Variants in PI16 observed in about 807,000 individuals in gnomAD.
The protein encoded by PI16 is PSP94-binding protein.
Under a neutral mutation model 38.0 loss-of-function variants are expected in PI16, and 35 were observed. The observed-to-expected ratio is 0.92, with a 90% CI of 0.70 to 1.22. The LOEUF is 1.22. Ranked by LOEUF, PI16 falls within the 50% of genes most tolerant of loss-of-function variation. The probability of loss-of-function intolerance (pLI) is 0.00; values close to 1 mark genes in which losing one functional copy is unlikely to be tolerated. For missense variants in PI16, 572 were observed against 593.8 expected (o/e 0.96, Z 0.38); for synonymous variants, 275 against 252.9 (o/e 1.09, Z -0.83).
chr6:36,957,686 T>C (rs1162193375), intron 1 of PI16, among the ~76,000 whole-genome samples: 1 of 152,182 alleles, frequency 6.6e-6, no homozygotes, highest in Non-Finnish European at 1.5e-5. Flanking sequence ...ATGATGCTAA[T>C]GGTGGGGCTC....
At position 36,959,406 on chromosome 6, in the gene PI16, C is replaced by A. The variant is rs771230123; in HGVS notation, c.393+40C>A. ...GGCGAGGCGGGGCGGAGCCTCGCGG[C>A]GTGGGGGTGGGGCCACGTGCTCCCT... On this transcript the variant is annotated intron_variant, in intron 2 of 6. Transcript: ENST00000373674. 6.0e-5 allele frequency: 91 copies of A among 1,515,884 alleles called. No homozygotes were observed. In the Admixed American group the frequency reaches 1.8e-3, roughly 31 times the overall value. 93.9% of individuals were successfully genotyped at this position (1,515,884 alleles called of 1,614,324 possible). A position where few individuals can be genotyped will look rare whatever the true frequency, so the allele number is the denominator to read the frequency against.
Position 36,959,262 on chromosome 6 carries a change from A to C in PI16, c.289A>C (p.Met97Leu). The C allele has an allele frequency of 3.1e-6, 5 of 1,604,946 alleles. No homozygotes were observed. Among genetic ancestry groups the C allele is most frequent in the Non-Finnish European group, 4.3e-6 (5 of 1,176,310 alleles). ...ENLFAITDEGMDVPLAMEEWH... is the reference protein window; with the variant it reads ...ENLFAITDEGLDVPLAMEEWH... ...TCTGTTCGCCATCACAGACGAGGGC[A>C]TGGACGTGCCGCTGGCCATGGAGGA... The change falls in exon 2 of 7, where the codon ATG becomes CTG. Residue 97 changes from methionine (M) to leucine (L), a missense_variant. By Grantham distance (15) the Met-to-Leu change is conservative. Transcript: ENST00000373674.
chr6:36,963,099 G>A lies in PI16; in HGVS notation c.757G>A (p.Ala253Thr). The change falls in exon 5 of 7, where the codon GCA becomes ACA. Residue 253 changes from alanine (A) to threonine (T), a missense_variant. Transcript: ENST00000373674. ...FLVTEVSGSLATKALPAVETQ... is the reference protein window; with the variant it reads ...FLVTEVSGSLTTKALPAVETQ... The stretch of plus-strand genomic sequence containing the variant: ...GGTAACAGAGGTCTCAGGCTCCCTG[G>A]CAACCAAGGCTCTGCCTGCTGTGGA... 1 of 1,614,192 alleles carries A rather than the reference G, an allele frequency of 6.2e-7. No individual in the cohort carries two copies. Among genetic ancestry groups the A allele is most frequent in the Admixed American group, 1.7e-5 (1 of 60,028 alleles).
rs138521374 is a variant in PI16 at position 36,962,857 on chromosome 6, G to A, written c.593-78G>A. On this transcript the variant is annotated intron_variant, in intron 4 of 6. Coordinates refer to ENST00000373674, the MANE Select transcript of PI16 (RefSeq NM_153370.3). The surrounding 1 kb of genome is among the most constrained non-coding windows in gnomAD (Gnocchi z 4.1). ...GTGTCCTGGTAGGACATTTGGTCGC[G>A]TCACTTGGTTTGCAGTGCCATGAGA... 13 of 1,264,614 alleles carry A rather than the reference G, an allele frequency of 1.0e-5. No individual in the cohort carries two copies. Among genetic ancestry groups the A allele is most frequent in the African/African-American group, 9.0e-5 (6 of 66,826 alleles). 78.3% of individuals were successfully genotyped at this position (1,264,614 alleles called of 1,614,324 possible).
chr6:36,950,647 G>C (rs1463200343), upstream of PI16, among the ~76,000 whole-genome samples: 2 of 151,920 alleles, frequency 1.3e-5, no homozygotes, highest in Admixed American at 6.6e-5. The surrounding 1 kb of genome is among the most constrained non-coding windows in gnomAD (Gnocchi z 4.2). Flanking sequence ...GGGTTCAAGC[G>C]ATTCTCCTGC....
chr6:36,962,885 TG>T lies in PI16; in HGVS notation c.593-49del, dbSNP rs1439966210. On this transcript the variant is annotated intron_variant, in intron 4 of 6. Transcript: ENST00000373674. The surrounding 1 kb of genome is among the most constrained non-coding windows in gnomAD (Gnocchi z 4.1). ...ACTTGGTTTGCAGTGCCATGAGAGA[TG>T]TGGGGTCCTGCTTGCAGCACTCATG... 1 of 1,495,456 alleles carries T rather than the reference TG, an allele frequency of 6.7e-7. No homozygotes were observed. 92.6% of individuals were successfully genotyped at this position (1,495,456 alleles called of 1,614,324 possible).
intron 2 of PI16, among the ~76,000 whole-genome samples, chr6:36,960,195 C>T (rs1763321040): frequency 6.6e-6 from 1 of 152,100 alleles, no homozygotes; most frequent in African/African-American, 2.4e-5. Context: ...TTATGCATAA[C>T]GATGAAGAAC....
rs1273118141 is a variant in PI16 at position 36,961,984 on chromosome 6, C to T, written c.592+10C>T. On this transcript the variant is annotated intron_variant, in intron 4 of 6. Transcript: ENST00000373674. ...AAGAACTCCCTCTGTGGTGAGTCCA[C>T]GGGTGGATGGGTAGGGGCAGGGGGT... 1.2e-6 allele frequency: 2 copies of T among 1,608,374 alleles called. No individual in the cohort carries two copies. Among genetic ancestry groups the T allele is most frequent in the South Asian group, 1.1e-5 (1 of 90,980 alleles).
intron 1 of PI16, among the ~76,000 whole-genome samples, chr6:36,958,442 G>C (rs1257640821): frequency 6.6e-6 from 1 of 152,202 alleles, no homozygotes; most frequent in Non-Finnish European, 1.5e-5. Flanking sequence ...GGAGAACACT[G>C]TCACTGGGGT....
chr6:36,960,633 T>TCCCCC (rs1763336497), intron 2 of PI16, among the ~76,000 whole-genome samples: 1 of 46,576 alleles, frequency 2.1e-5, no homozygotes. Context: ...CACCCCTCCC[T>TCCCCC]CTCCCTCCAC....
At position 36,954,777 on chromosome 6, in the gene PI16, G is replaced by T. The variant is rs750564019; in HGVS notation, c.17G>T (p.Ser6Ile). The change falls in exon 1 of 7, where the codon AGT (serine) becomes ATT (isoleucine). Residue 6 changes from serine (S) to isoleucine (I), a missense_variant. Ser to Ile is a moderately radical substitution (Grantham distance 142, BLOSUM62 -2). Transcript: ENST00000373674. MHGSC[S>I]FLMLLLPLLL... ...CTGGCCACCATGCACGGCTCCTGCA[G>T]TTTCCTGATGCTTCTGCTGCCGCTA... The T allele has an allele frequency of 9.3e-6, 15 of 1,613,308 alleles. No homozygotes were observed. The African/African-American group carries it at 1.7e-4, about 19-fold the overall frequency.
intron 2 of PI16, among the ~76,000 whole-genome samples, chr6:36,960,966 A>C (rs1019049080): frequency 1.3e-5 from 2 of 152,134 alleles, no homozygotes; most frequent in African/African-American, 4.8e-5. Flanking sequence ...CTGAGAAACA[A>C]CCAGAACAGG....
In PI16 at chr6:36,962,075, G is replaced by A; in HGVS notation, c.592+101G>A. On this transcript the variant is annotated intron_variant, in intron 4 of 6. Coordinates refer to ENST00000373674, the MANE Select transcript of PI16 (RefSeq NM_153370.3). The surrounding 1 kb of genome is among the most constrained non-coding windows in gnomAD (Gnocchi z 4.1). The stretch of plus-strand genomic sequence containing the variant: ...CCCTGGACTGAGCGGGACGTGGGCA[G>A]GGAAGGAGCCTGGTGGGATGCGACC... The A allele has an allele frequency of 2.0e-6, 2 of 1,023,118 alleles. No homozygotes were observed. Among genetic ancestry groups the A allele is most frequent in the Non-Finnish European group, 3.0e-6 (2 of 665,620 alleles). 63.4% of individuals were successfully genotyped at this position (1,023,118 alleles called of 1,614,324 possible).
intron 1 of PI16, among the ~76,000 whole-genome samples, chr6:36,956,029 C>T (rs564155713): frequency 6.6e-6 from 1 of 152,232 alleles, no homozygotes; most frequent in Admixed American, 6.5e-5. Flanking sequence ...GAGCCTGGGG[C>T]CCCAAACCTA....
In PI16 at chr6:36,963,226, A is replaced by G. The variant is rs768949758; in HGVS notation, c.884A>G (p.His295Arg). ...GAGGTCCCTTCCATTTTGGCAGCTC[A>G]CAGCCTGCCCTCCTTGGATGAGGAG... ...TTEVPSILAA[H>R]SLPSLDEEPV... is the part of the protein sequence containing the mutation. Residue 295 changes from histidine to arginine, a missense_variant, in exon 5 of 7, where the codon CAC (histidine) becomes CGC (arginine). His to Arg is a conservative substitution (Grantham distance 29). Transcript: ENST00000373674. 4 of 1,614,182 alleles carry G rather than the reference A, an allele frequency of 2.5e-6. No individual in the cohort carries two copies. The East Asian group carries it at 8.9e-5, about 36-fold the overall frequency.
At chr6:36,952,797 A>G (rs1763120089), upstream of PI16, among the ~76,000 whole-genome samples, 1 of 152,198 alleles carries the variant, frequency 6.6e-6, no homozygotes, top group South Asian at 2.1e-4. Flanking sequence ...GAGATTCCAT[A>G]TAAATTTTAG....
intron 2 of PI16, 135 bp downstream of exon 2, chr6:36,959,501 C>A: frequency 1.2e-6 from 1 of 833,262 alleles, no homozygotes; most frequent in Non-Finnish European, 1.8e-6. Context: ...TCACTCCAAG[C>A]CCCCTCAGAC....
chr6:36,958,145 C>A (rs760672072), intron 1 of PI16, among the ~76,000 whole-genome samples: 6 of 152,234 alleles, frequency 3.9e-5, no homozygotes, highest in African/African-American at 1.4e-4. Context: ...AGCCACCTCC[C>A]CTCAGGGTCA....
chr6:36,960,259 C>T (rs1351351571), intron 2 of PI16, among the ~76,000 whole-genome samples: 1 of 151,886 alleles, frequency 6.6e-6, no homozygotes, highest in East Asian at 1.9e-4. Context: ...ATTTCCTGCT[C>T]CCCAGTCACA....
Sources: allele counts gnomAD v4.1 joint callset (sites outside exome capture counted in the v4.1 genomes callset), GRCh38; gene constraint gnomAD v4.1.1; non-coding constraint Gnocchi (gnomAD v3.1); transcripts MANE v1.5; gene names NCBI Gene and HGNC (gene_info 2026-07-23, HGNC 2026-07-21).